The following FAM153A variants were observed in gnomAD, a reference collection of about 807,000 sequenced individuals.
The protein encoded by FAM153A is protein FAM153A.
A neutral mutation model predicts 48.1 loss-of-function variants in FAM153A; 12 were observed. The ratio of observed to expected loss-of-function variants is 0.25; its 90% CI spans 0.16 to 0.40. The LOEUF is 0.40. Among genes scored for constraint, FAM153A ranks in the 10% least tolerant of loss-of-function variants. The pLI, the probability that FAM153A is intolerant of heterozygous loss-of-function variation, is 1.00. For missense variants in FAM153A, 111 were observed against 345.8 expected, an observed-to-expected ratio of 0.32 and a Z score of 5.38; for synonymous variants, 36 against 118.2, an observed-to-expected ratio of 0.30 and a Z score of 4.51.
intron 18 of FAM153A, among the ~76,000 whole-genome samples, chr5:177,728,553 G>GTT (rs200505586): frequency 0.36 from 48,338 of 134,124 alleles, 9,645 homozygotes; most frequent in East Asian, 0.52. Context: ...TTGTTGGGGT[G>GTT]TTTTTTTTTT....
Position 177,713,484 on chromosome 5 carries a change from C to T in FAM153A, c.*1391+264G>A, listed in dbSNP as rs932970880. Among the ~76,000 whole-genome samples, 27 of 151,552 alleles carry T rather than the reference C, an allele frequency of 1.8e-4. 1 individual carries two copies. Among genetic ancestry groups the T allele is most frequent in the African/African-American group, 6.6e-4 (27 of 41,058 alleles). On this transcript the variant is annotated intron_variant and NMD_transcript_variant, in intron 26 of 26. Coordinates refer to the FAM153A transcript ENST00000360669. ...GTGTTAGCCAGGACGGTCTCGATCT[C>T]CTGACCTCGTGATCCGCCCACCTCA... is the stretch of plus-strand genomic sequence containing the variant.
At chr5:177,701,354 A>G in the FAM153A span, among the ~76,000 whole-genome samples, 1 of 151,790 alleles carries the variant, frequency 6.6e-6, no homozygotes, top group Non-Finnish European at 1.5e-5. Flanking sequence ...ACTTGAGGCT[A>G]TGAGTAAATG....
the FAM153A span, among the ~76,000 whole-genome samples, chr5:177,696,898 C>CT: frequency 3.3e-5 from 5 of 151,542 alleles, no homozygotes; most frequent in East Asian, 9.7e-4. Flanking sequence ...CAACTTTGTT[C>CT]TTTTTCAAAA....
intron 10 of FAM153A, 82 bp downstream of exon 12, chr5:177,739,031 C>G: frequency 4.1e-6 from 5 of 1,207,538 alleles, no homozygotes; most frequent in Non-Finnish European, 5.9e-6. Context: ...GAGTGGTTCT[C>G]CAGAAAACGC....
chr5:177,739,005 T>C (rs1765129243), intron 10 of FAM153A, 108 bp downstream of exon 12: 2 of 834,906 alleles, frequency 2.4e-6, no homozygotes, highest in Non-Finnish European at 3.7e-6. Flanking sequence ...CATTTTCCAA[T>C]AGGAAGCTCC....
Position 177,716,411 on chromosome 5 carries a change from A to G in FAM153A, c.*1156T>C, listed in dbSNP as rs972531562. The G allele has an allele frequency of 2.6e-5, 4 of 151,920 alleles. 1 individual carries two copies. Among genetic ancestry groups the G allele is most frequent in the African/African-American group, 9.7e-5 (4 of 41,196 alleles). 9.4% of individuals were successfully genotyped at this position (151,920 alleles called of 1,614,324 possible). Reference sequence around the variant, plus strand: ...TCAGAACTTGAGAACTTCTTTCAGTAGGTGCTGTGATTCAATAACCAGAAT... The same window carrying G: ...TCAGAACTTGAGAACTTCTTTCAGTGGGTGCTGTGATTCAATAACCAGAAT... On this transcript the variant is annotated 3_prime_UTR_variant and NMD_transcript_variant, in exon 25 of 27. Transcript: ENST00000360669.
chr5:177,738,435 C>T (rs1365530858), intron 10 of FAM153A, among the ~76,000 whole-genome samples: 4 of 151,370 alleles, frequency 2.6e-5, no homozygotes, highest in Non-Finnish European at 5.9e-5. Flanking sequence ...ACCATTGAGA[C>T]AATCCTACAT....
downstream of FAM153A, among the ~76,000 whole-genome samples, chr5:177,707,762 T>C (rs1423862338): frequency 2.0e-5 from 3 of 151,834 alleles, no homozygotes; most frequent in Admixed American, 6.6e-5. Context: ...GGTTTCACCA[T>C]GTTGGCCAGG....
In FAM153A at chr5:177,746,472, C is replaced by T. The variant is rs1218944955; in HGVS notation, c.259+1297G>A. Among the ~76,000 whole-genome samples, 12 of 149,898 alleles carry T rather than the reference C, an allele frequency of 8.0e-5. 1 individual carries two copies. Among genetic ancestry groups the T allele is most frequent in the African/African-American group, 1.0e-4 (4 of 40,064 alleles). On this transcript the variant is annotated intron_variant, in intron 4 of 20. Transcript: ENST00000614127. ...CCGTCTCCAGCCAGAACATTTTGTACGAGGTAAAAAGCAACCTTTCTTCAA... is the reference window on the plus strand; with the variant it reads ...CCGTCTCCAGCCAGAACATTTTGTATGAGGTAAAAAGCAACCTTTCTTCAA...
upstream of FAM153A, among the ~76,000 whole-genome samples, chr5:177,757,531 G>C (rs1225806891): frequency 1.4e-4 from 21 of 148,662 alleles, no homozygotes; most frequent in African/African-American, 5.3e-4. Flanking sequence ...CAAAAAAAGA[G>C]ACTTTTAGAC....
Position 177,730,563 on chromosome 5 carries a change from T to G in FAM153A, c.862+1006A>C, listed in dbSNP as rs1285809798. Among the ~76,000 whole-genome samples, 5 of 118,770 alleles carry G rather than the reference T, an allele frequency of 4.2e-5. 2 individuals are homozygous for G. The highest frequency in any genetic ancestry group is 1.4e-4 in the African/African-American group (5 of 35,590). 77.9% of individuals were successfully genotyped at this position (118,770 alleles called of 152,430 possible). ...CAATGTACCTACTCAAACCCTGGGT[T>G]AGCTGACCATTGAGACCATCCAATA... On this transcript the variant is annotated intron_variant, in intron 16 of 20. Transcript: ENST00000614127.
chr5:177,753,238 T>C (rs1767281899), upstream of FAM153A: 6 of 1,596,628 alleles, frequency 3.8e-6, no homozygotes, highest in Non-Finnish European at 5.1e-6. Flanking sequence ...AAGCTGCGTT[T>C]ACTGCCAACG....
chr5:177,711,719 T>C (rs998024870), exon 27 of FAM153A: 4 of 151,960 alleles, frequency 2.6e-5, no homozygotes, highest in Non-Finnish European at 5.9e-5. Context: ...AGGAAAGATT[T>C]GAACATTAAA....
At chr5:177,713,260 T>TTC (rs1414858289) in intron 26 of FAM153A, 2 of 149,204 alleles carry the variant, frequency 1.3e-5, no homozygotes, top group Non-Finnish European at 3.0e-5. Flanking sequence ...TTCTTTTCTT[T>TTC]TTTTTTTTTT....
At chr5:177,712,648 A>G (rs1278944976) in exon 27 of FAM153A, 1 of 151,486 alleles carries the variant, frequency 6.6e-6, no homozygotes, top group Admixed American at 6.6e-5. Flanking sequence ...GATGGACTGC[A>G]TGTTCTCTAT....
chr5:177,743,200 TGTTTTG>T (rs1254984454), intron 6 of FAM153A, among the ~76,000 whole-genome samples: 88 of 58,570 alleles, frequency 1.5e-3, no homozygotes, highest in Middle Eastern at 7.9e-3. Context: ...GTTTTTTTTT[TGTTTTG>T]TTTTTTTTTT....
At chr5:177,704,575 TTC>T (rs1432176944), downstream of FAM153A, among the ~76,000 whole-genome samples, 87 of 150,058 alleles carry the variant, frequency 5.8e-4, no homozygotes, top group South Asian at 6.4e-4. Flanking sequence ...TGGAGGCGGT[TTC>T]TCTGTTTGAG....
intron 1 of FAM153A, among the ~76,000 whole-genome samples, chr5:177,759,715 CA>C (rs1436135764): frequency 6.7e-6 from 1 of 149,874 alleles, no homozygotes; most frequent in African/African-American, 2.5e-5. Flanking sequence ...ATAGCAAGGA[CA>C]AAAAACCAAA....
chr5:177,701,468 G>C, the FAM153A span, among the ~76,000 whole-genome samples: 1 of 151,844 alleles, frequency 6.6e-6, no homozygotes, highest in Admixed American at 6.6e-5. Flanking sequence ...GGGTGGCTGA[G>C]GCACGAGTAT....
Sources: gnomAD v4.1 joint callset for allele counts (sites outside exome capture counted in the v4.1 genomes callset) on GRCh38, gnomAD v4.1.1 for gene constraint, MANE v1.5 for transcripts, NCBI Gene and HGNC (gene_info 2026-07-23, HGNC 2026-07-21) for gene names.